Variants in MTAP observed in about 807,000 individuals in gnomAD.
MTAP encodes methylthioadenosine phosphorylase.
A neutral mutation model predicts 33.6 loss-of-function variants in MTAP; 33 were observed. The observed-to-expected ratio is 0.98, with a 90% confidence interval of 0.74 to 1.31. The LOEUF is 1.31. Among genes scored for constraint, MTAP ranks in the 40% most tolerant of loss-of-function variants. MTAP has a pLI of 0.00. For synonymous variants in MTAP, 148 were observed against 125.7 expected (o/e 1.18, Z -1.19); for missense variants, 367 against 360.0 (o/e 1.02, Z -0.16).
intron 1 of MTAP, among the ~76,000 whole-genome samples, chr9:21,916,122 G>GGAA (rs1296578788): frequency 0.016 from 1,928 of 122,796 alleles, 73 homozygotes; most frequent in African/African-American, 0.055. Context: ...GAAGGAAGGA[G>GGAA]GGAGGGAAGG....
At chr9:21,915,036 C>CT in intron 1 of MTAP, among the ~76,000 whole-genome samples, 1 of 104,068 alleles carries the variant, frequency 9.6e-6, no homozygotes, top group African/African-American at 5.3e-5. Context: ...TCCTTCCTTC[C>CT]TTCCTTCCTT....
chr9:21,921,440 T>C (rs560292255), intron 1 of MTAP, among the ~76,000 whole-genome samples: 91 of 152,226 alleles, frequency 6.0e-4, no homozygotes, highest in Admixed American at 1.0e-3. Context: ...AATTTGGTTT[T>C]GTTTTGTTCT....
intron 1 of MTAP, chr9:21,802,993 C>CACACACACACACACAT (rs1824097844): frequency 1.6e-6 from 1 of 618,250 alleles, no homozygotes; most frequent in Non-Finnish European, 2.2e-6. Context: ...CCAACACACA[C>CACACACACACACACAT]ACACACACAC....
At chr9:21,854,983 T>C (rs896671170) in intron 6 of MTAP, 113 bp downstream of exon 6, 164 of 1,381,546 alleles carry the variant, frequency 1.2e-4, no homozygotes, top group Admixed American at 1.9e-4. Flanking sequence ...TCTACAAGGT[T>C]TTGAAGTTGT....
chr9:21,845,697 C>A lies in MTAP; in HGVS notation c.450+7687C>A, dbSNP rs536238672. Among the ~76,000 whole-genome samples, 7 of 152,090 alleles carry A rather than the reference C, an allele frequency of 4.6e-5. No homozygotes were observed. In the South Asian group the frequency reaches 1.5e-3, roughly 32 times the overall value. Reference sequence around the variant, plus strand: ...GTATCATATTTCTGCCAAAAGCAATCCACAAATTCAATGCAGTTTCCTTCA... The same window carrying A: ...GTATCATATTTCTGCCAAAAGCAATACACAAATTCAATGCAGTTTCCTTCA... On this transcript the variant is annotated intron_variant, in intron 5 of 7. Transcript: ENST00000644715.
At chr9:21,924,430 G>A (rs1212012969) in intron 1 of MTAP, among the ~76,000 whole-genome samples, 1 of 152,198 alleles carries the variant, frequency 6.6e-6, no homozygotes, top group East Asian at 1.9e-4. Flanking sequence ...GAAAGTGGAA[G>A]CATAAATTTT....
At chr9:21,917,939 G>A (rs1204889102) in intron 1 of MTAP, among the ~76,000 whole-genome samples, 1 of 152,114 alleles carries the variant, frequency 6.6e-6, no homozygotes, top group Non-Finnish European at 1.5e-5. Context: ...TGTCTTTTGC[G>A]GCAACTTGGA....
chr9:21,937,876 A>G (rs7036999), downstream of MTAP, among the ~76,000 whole-genome samples: 3,906 of 152,260 alleles, frequency 0.026, 130 homozygotes, highest in African/African-American at 0.074. Flanking sequence ...ACAGTGGCTC[A>G]GGCCTGTAAT....
rs1011258836 is a variant in MTAP at position 21,902,513 on chromosome 9, A to G, written c.148-28495A>G. On this transcript the variant is annotated intron_variant, in intron 1 of 1. Coordinates refer to the MTAP transcript ENST00000577563. ...CCAAAACAACATGACAAATGTGACA[A>G]TAACCATACACCATCCACTTTCAAG... is the stretch of plus-strand genomic sequence containing the variant. Among the ~76,000 whole-genome samples, 8 of 152,372 alleles carry G rather than the reference A, an allele frequency of 5.3e-5. No homozygotes were observed. The East Asian group carries it at 1.2e-3, about 22-fold the overall frequency.
intron 1 of MTAP, among the ~76,000 whole-genome samples, chr9:21,908,142 C>A (rs1457620908): frequency 6.6e-6 from 1 of 152,142 alleles, no homozygotes; most frequent in African/African-American, 2.4e-5. Flanking sequence ...CTTCCTTAAT[C>A]CTGGTAACCA....
chr9:21,835,507 A>G (rs996901594), intron 4 of MTAP, among the ~76,000 whole-genome samples: 3 of 152,140 alleles, frequency 2.0e-5, no homozygotes, highest in Non-Finnish European at 4.4e-5. Flanking sequence ...TATGATTTCA[A>G]TATAGCTGTT....
intron 1 of MTAP, among the ~76,000 whole-genome samples, chr9:21,896,879 T>G (rs1432955978): frequency 6.6e-6 from 1 of 152,164 alleles, no homozygotes; most frequent in Non-Finnish European, 1.5e-5. Flanking sequence ...CTAACTCACT[T>G]TATGAGGCCA....
chr9:21,922,670 AAGG>A lies in MTAP; in HGVS notation c.148-8335_148-8333del, dbSNP rs1818806668. Among the ~76,000 whole-genome samples the A allele has an allele frequency of 6.6e-6, 1 of 152,068 alleles. No homozygotes were observed. The highest frequency in any genetic ancestry group is 1.5e-5 in the Non-Finnish European group (1 of 68,024). ...GCCTCTCCTTCTTTGGCTGGAGAAG[AAGG>A]AGATCTGTACACAGTTTTCTTCTCC... On this transcript the variant is annotated intron_variant, in intron 1 of 1. Transcript: ENST00000577563. The surrounding 1 kb of genome is among the most constrained non-coding windows in gnomAD (Gnocchi z 4.8).
At chr9:21,851,264 G>GT (rs1317668681) in intron 5 of MTAP, among the ~76,000 whole-genome samples, 1 of 152,224 alleles carries the variant, frequency 6.6e-6, no homozygotes, top group Non-Finnish European at 1.5e-5. Context: ...GAAGAAGGTA[G>GT]TCATCGATAC....
chr9:21,868,415 G>A (rs923701029), downstream of MTAP, among the ~76,000 whole-genome samples: 1 of 152,124 alleles, frequency 6.6e-6, no homozygotes, highest in Non-Finnish European at 1.5e-5. Flanking sequence ...ACTTAAATGG[G>A]TTAAGTATAT....
chr9:21,876,942 C>T (rs1256118739), intron 1 of MTAP, among the ~76,000 whole-genome samples: 2 of 151,902 alleles, frequency 1.3e-5, no homozygotes, highest in Non-Finnish European at 2.9e-5. Flanking sequence ...CTATAAATTG[C>T]TTTGGGTAGT....
intron 1 of MTAP, among the ~76,000 whole-genome samples, chr9:21,809,903 G>T (rs1051348678): frequency 1.3e-5 from 2 of 152,166 alleles, no homozygotes; most frequent in Admixed American, 1.3e-4. Context: ...ATTAGGGAGA[G>T]TCCTCCTCTA....
chr9:21,832,290 C>T (rs897682359), intron 4 of MTAP, among the ~76,000 whole-genome samples: 3 of 152,154 alleles, frequency 2.0e-5, no homozygotes, highest in Admixed American at 6.5e-5. Context: ...CATAAAGGCC[C>T]GTGTCTGGGC....
At chr9:21,869,694 AATTT>A (rs1427729688), downstream of MTAP, among the ~76,000 whole-genome samples, 1 of 152,028 alleles carries the variant, frequency 6.6e-6, no homozygotes, top group Admixed American at 6.6e-5. Flanking sequence ...AACCAGGAAA[AATTT>A]ATTTACCATC....
Sources: gnomAD v4.1 joint callset for allele counts (sites outside exome capture counted in the v4.1 genomes callset) on GRCh38, gnomAD v4.1.1 for gene constraint, Gnocchi (gnomAD v3.1) non-coding constraint, MANE v1.5 for transcripts, NCBI Gene and HGNC (gene_info 2026-07-23, HGNC 2026-07-21) for gene names.